Variants in PRKAR1B observed in about 807,000 individuals in gnomAD.
The protein encoded by PRKAR1B is protein kinase cAMP-dependent type I regulatory subunit beta.
In PRKAR1B, 22 loss-of-function variants were observed where a neutral mutation model predicts 46.5. The ratio of observed to expected loss-of-function variants is 0.47; its 90% CI spans 0.34 to 0.68. The LOEUF is 0.68. Among genes scored for constraint, PRKAR1B ranks in the 30% least tolerant of loss-of-function variants. The pLI, the probability that PRKAR1B is intolerant of heterozygous loss-of-function variation, is 0.01. For missense variants in PRKAR1B, 445 were observed against 535.6 expected, an observed-to-expected ratio of 0.83 and a Z score of 1.67; for synonymous variants, 259 against 217.7, an observed-to-expected ratio of 1.19 and a Z score of -1.67.
intron 9 of PRKAR1B, among the ~76,000 whole-genome samples, chr7:576,467 C>T (rs1011556022): frequency 3.9e-5 from 6 of 152,304 alleles, no homozygotes; most frequent in Middle Eastern, 6.8e-3. Context: ...CGTGAATGTC[C>T]GTGCAGCCTG....
At position 610,134 on chromosome 7, in the gene PRKAR1B, G is replaced by A. The variant is rs551178500; in HGVS notation, c.441-2682C>T. On this transcript the variant is annotated intron_variant, in intron 4 of 10. Coordinates refer to ENST00000537384, the MANE Select transcript of PRKAR1B (RefSeq NM_001164760.2). ...GTGCTTCTGGTTCCTGCCATCACAC[G>A]CTGGGCCACGATGGACATGACAGAA... 1.8e-4 allele frequency among the ~76,000 whole-genome samples: 28 copies of A among 152,252 alleles called. No individual in the cohort carries two copies. The South Asian group carries it at 2.5e-3, about 14-fold the overall frequency.
chr7:706,677 A>G (rs4448167), intron 2 of PRKAR1B, among the ~76,000 whole-genome samples: 97,716 of 149,496 alleles, frequency 0.65, 32,056 homozygotes, highest in African/African-American at 0.7. Context: ...CGCCCGCCTC[A>G]GCCTCCCAAA....
At chr7:619,319 C>T (rs1326140438) in intron 4 of PRKAR1B, among the ~76,000 whole-genome samples, 1 of 152,210 alleles carries the variant, frequency 6.6e-6, no homozygotes, top group Non-Finnish European at 1.5e-5. Flanking sequence ...GCATGAGACG[C>T]TTGATCACTG....
At chr7:578,181 G>A (rs889063086) in intron 9 of PRKAR1B, among the ~76,000 whole-genome samples, 5 of 152,180 alleles carry the variant, frequency 3.3e-5, no homozygotes, top group South Asian at 4.1e-4. Context: ...CTCTGGAGTC[G>A]AGTCCCACCT....
chr7:601,555 C>A (rs1335855824), intron 6 of PRKAR1B, among the ~76,000 whole-genome samples: 1 of 152,256 alleles, frequency 6.6e-6, no homozygotes, highest in Non-Finnish European at 1.5e-5. Flanking sequence ...GCGGATTTAC[C>A]CTGCATGCGA....
chr7:581,234 C>G (rs1780166454), intron 8 of PRKAR1B, among the ~76,000 whole-genome samples: 1 of 147,426 alleles, frequency 6.8e-6, no homozygotes, highest in African/African-American at 2.5e-5. Context: ...ACCCGGGAGG[C>G]GGAGCTTGCA....
chr7:551,382 G>C lies in PRKAR1B; in HGVS notation c.973+7C>G. ...CGTGCGAGGGAGGGGACGCCCACTG[G>C]ACTCACCGAAGTAGTCAGAGGGTCC... On this transcript the variant is annotated splice_region_variant and intron_variant, in intron 10 of 10. Coordinates refer to ENST00000537384, the MANE Select transcript of PRKAR1B (RefSeq NM_001164760.2). The C allele has an allele frequency of 6.4e-7, 1 of 1,554,172 alleles. No homozygotes were observed. Among genetic ancestry groups the C allele is most frequent in the Non-Finnish European group, 8.7e-7 (1 of 1,148,732 alleles).
intron 9 of PRKAR1B, among the ~76,000 whole-genome samples, chr7:566,691 C>CTATCACATTAT (rs1779189724): frequency 7.7e-5 from 2 of 26,112 alleles, no homozygotes; most frequent in African/African-American, 1.6e-4. Flanking sequence ...ACCATCATCA[C>CTATCACATTAT]CATCACCTTC....
At chr7:592,747 C>A (rs1349861734) in intron 7 of PRKAR1B, among the ~76,000 whole-genome samples, 3 of 152,140 alleles carry the variant, frequency 2.0e-5, no homozygotes, top group Admixed American at 1.3e-4. Context: ...AAAATCAGGC[C>A]GGATACGGTG....
chr7:705,506 C>T (rs555459150), intron 2 of PRKAR1B, among the ~76,000 whole-genome samples: 1 of 151,994 alleles, frequency 6.6e-6, no homozygotes, highest in Non-Finnish European at 1.5e-5. Context: ...CATACACTTA[C>T]CCTATGACCC....
At position 602,280 on chromosome 7, in the gene PRKAR1B, C is replaced by T. The variant is rs568246400; in HGVS notation, c.549+3913G>A. Among the ~76,000 whole-genome samples the T allele has an allele frequency of 2.9e-4, 23 of 80,408 alleles. No homozygotes were observed. In the South Asian group the frequency reaches 7.0e-3, roughly 25 times the overall value. 52.8% of individuals were successfully genotyped at this position (80,408 alleles called of 152,430 possible). On this transcript the variant is annotated intron_variant, in intron 6 of 10. Transcript: ENST00000537384. The surrounding 1 kb of genome is among the most constrained non-coding windows in gnomAD (Gnocchi z 6.4). ...TCATGTATGAAGGAGTTACAGACGG[C>T]GGCGGGGGGAGGGGGGGTCTGTCCT...
intron 2 of PRKAR1B, among the ~76,000 whole-genome samples, chr7:693,749 C>T (rs746221747): frequency 2.0e-4 from 30 of 152,116 alleles, no homozygotes; most frequent in Admixed American, 9.2e-4. Flanking sequence ...CTCAATTCTT[C>T]GGGCTGTGTA....
At chr7:562,147 G>C (rs969572357) in intron 9 of PRKAR1B, 2 of 152,340 alleles carry the variant, frequency 1.3e-5, no homozygotes, top group Non-Finnish European at 2.9e-5. Context: ...CCCTTCTGTG[G>C]CCCAGTTACT....
intron 2 of PRKAR1B, among the ~76,000 whole-genome samples, chr7:689,918 T>C (rs1466442469): frequency 2.6e-5 from 4 of 151,658 alleles, no homozygotes; most frequent in African/African-American, 7.3e-5. Flanking sequence ...CCTGACCTCG[T>C]GATCCGCCCG....
Position 714,938 on chromosome 7 carries a change from C to A in PRKAR1B, c.-22-3411G>T, listed in dbSNP as rs1190033298. Among the ~76,000 whole-genome samples the A allele has an allele frequency of 6.6e-6, 1 of 152,180 alleles. No individual in the cohort carries two copies. Among genetic ancestry groups the A allele is most frequent in the Non-Finnish European group, 1.5e-5 (1 of 68,042 alleles). Reference sequence around the variant, plus strand: ...CGGTGGTTCACACCTGTAATCCCAGCACTTTGGGAGGCCGAGGCAGGTGGG... The same window carrying A: ...CGGTGGTTCACACCTGTAATCCCAGAACTTTGGGAGGCCGAGGCAGGTGGG... On this transcript the variant is annotated intron_variant, in intron 1 of 10. Transcript: ENST00000537384. The surrounding 1 kb of genome is among the most constrained non-coding windows in gnomAD (Gnocchi z 4.3).
chr7:650,604 C>T lies in PRKAR1B; in HGVS notation c.440+26625G>A, dbSNP rs991107442. Among the ~76,000 whole-genome samples, 11 of 152,230 alleles carry T rather than the reference C, an allele frequency of 7.2e-5. No homozygotes were observed. In the East Asian group the frequency reaches 1.7e-3, roughly 24 times the overall value. ...CGTCCCGCCATTGCCACCCGAACAG[C>T]GTGGGGCACCTGTGGAATGGAGGCG... On this transcript the variant is annotated intron_variant, in intron 4 of 10. Coordinates refer to ENST00000537384, the MANE Select transcript of PRKAR1B (RefSeq NM_001164760.2).
rs373045505 is a variant in PRKAR1B, at chr7:711,500, G to A, written c.6C>T (p.Ala2=). The A allele has an allele frequency of 6.2e-7, 1 of 1,613,118 alleles. No individual in the cohort carries two copies. Residue 2 remains alanine (A), a synonymous_variant, in exon 2 of 11, where the codon GCC becomes GCT. Coordinates refer to ENST00000537384, the MANE Select transcript of PRKAR1B (RefSeq NM_001164760.2). M[A]SPPACPSEED... is the part of the protein sequence containing the mutation. Reference sequence around the variant, plus strand: ...CCTCCGAGGGGCAGGCGGGCGGGGAGGCCATGGCGAGGGTGGCTGCTTCCT... The same window carrying A: ...CCTCCGAGGGGCAGGCGGGCGGGGAAGCCATGGCGAGGGTGGCTGCTTCCT...
Position 680,617 on chromosome 7 carries a change from C to T in PRKAR1B, c.287G>A (p.Arg96Gln), listed in dbSNP as rs767658145. 1.3e-6 allele frequency: 2 copies of T among 1,597,012 alleles called. No individual in the cohort carries two copies. The highest frequency in any genetic ancestry group is 1.7e-6 in the Non-Finnish European group (2 of 1,170,802). Residue 96 changes from arginine to glutamine, a missense_variant, in exon 3 of 11, where the codon CGG becomes CAG. This residue lies in a region of PRKAR1B where 94 missense variants were observed against 126.9 expected (regional missense o/e 0.74). Transcript: ENST00000537384. Reference protein sequence around the residue: ...PPNPVVKARRRRGGVSAEVYT... With the variant: ...PPNPVVKARRQRGGVSAEVYT... ...CACCTCGGCACTCACGCCTCCTCGCCGGCGGCGGGCCTTCACCACAGGGTT... is the reference window on the plus strand; with the variant it reads ...CACCTCGGCACTCACGCCTCCTCGCTGGCGGCGGGCCTTCACCACAGGGTT...
chr7:598,958 G>A (rs892183832), intron 6 of PRKAR1B, among the ~76,000 whole-genome samples: 2 of 152,250 alleles, frequency 1.3e-5, no homozygotes, highest in Admixed American at 1.3e-4. Flanking sequence ...GAGCCAGCCC[G>A]GGACGGCCGC....
Sources: gnomAD v4.1 joint callset for allele counts (sites outside exome capture counted in the v4.1 genomes callset) on GRCh38, gnomAD v4.1.1 for gene constraint, gnomAD v4.1.1 regional missense constraint, Gnocchi (gnomAD v3.1) non-coding constraint, MANE v1.5 for transcripts, NCBI Gene and HGNC (gene_info 2026-07-23, HGNC 2026-07-21) for gene names.